The following ZNF578 variants were observed in gnomAD, a reference collection of about 807,000 sequenced individuals.
The protein encoded by ZNF578 is Putative chemokine-related protein B42.
A neutral mutation model predicts 8.3 loss-of-function variants in ZNF578; 8 were observed. That is an observed-to-expected ratio of 0.96 (90% CI 0.56 to 1.74). The LOEUF is 1.74. ZNF578 is among the 40% of genes most tolerant of loss of function. The pLI, the probability that ZNF578 is intolerant of heterozygous loss-of-function variation, is 0.00. For synonymous variants in ZNF578, 206 were observed against 232.2 expected, an observed-to-expected ratio of 0.89 and a Z score of 1.03; for missense variants, 726 against 707.5, an observed-to-expected ratio of 1.03 and a Z score of -0.30.
intron 2 of ZNF578, chr19:52,473,587 A>G (rs2059298831): frequency 1.1e-5 from 2 of 181,302 alleles, no homozygotes; most frequent in Admixed American, 6.1e-5. Context: ...CTCCAGTATG[A>G]ACTATCTGAT....
chr19:52,486,051 T>G (rs2059344395), intron 2 of ZNF578, among the ~76,000 whole-genome samples: 1 of 152,184 alleles, frequency 6.6e-6, no homozygotes, highest in Non-Finnish European at 1.5e-5. Context: ...CCCTGGGCAA[T>G]GGAATGTCTC....
At chr19:52,468,420 G>C (rs1419721204) in intron 2 of ZNF578, among the ~76,000 whole-genome samples, 1 of 152,188 alleles carries the variant, frequency 6.6e-6, no homozygotes, top group Non-Finnish European at 1.5e-5. Context: ...TATGTGTCCA[G>C]CCACAAGAGG....
chr19:52,492,062 G>A (rs1365070120), intron 3 of ZNF578, among the ~76,000 whole-genome samples: 1 of 149,042 alleles, frequency 6.7e-6, no homozygotes, highest in Non-Finnish European at 1.5e-5. Context: ...AAAGGCTGAG[G>A]CAGGAGAATG....
chr19:52,494,816 T>A (rs1055518023), intron 3 of ZNF578, among the ~76,000 whole-genome samples: 2 of 152,096 alleles, frequency 1.3e-5, no homozygotes, highest in Non-Finnish European at 2.9e-5. Context: ...TTTCTGTTAT[T>A]ATGTAATACT....
intron 2 of ZNF578, among the ~76,000 whole-genome samples, chr19:52,467,636 A>G (rs539614659): frequency 6.6e-6 from 1 of 151,876 alleles, no homozygotes; most frequent in South Asian, 2.1e-4. Flanking sequence ...AAAAAAAAAG[A>G]AAGAAAGAAA....
chr19:52,511,834 T>C lies in ZNF578; in HGVS notation c.1453T>C (p.Cys485Arg). ...TCATACTGGAGAGAAACCTTACAAG[T>C]GTAATGAGTGTCACAAGACCTTCAG... ...IIHTGEKPYK[C>R]NECHKTFSHR... The change falls in exon 6 of 6, where the codon TGT becomes CGT. Residue 485 changes from cysteine to arginine, a missense_variant. Transcript: ENST00000421239. 6.2e-7 allele frequency: 1 copy of C among 1,613,828 alleles called. No homozygotes were observed. The highest frequency in any genetic ancestry group is 8.5e-7 in the Non-Finnish European group (1 of 1,179,896).
chr19:52,458,002 C>A, intron 2 of ZNF578: 1 of 154,492 alleles, frequency 6.5e-6, no homozygotes, highest in South Asian at 1.8e-4. Flanking sequence ...GTGTGGGCCC[C>A]ATGGTGTCAC....
intron 3 of ZNF578, among the ~76,000 whole-genome samples, chr19:52,501,246 A>C (rs1310724795): frequency 1.3e-5 from 2 of 152,166 alleles, no homozygotes; most frequent in African/African-American, 4.8e-5. Context: ...CCCCAAGCGG[A>C]GGGCAGAGCC....
intron 2 of ZNF578, among the ~76,000 whole-genome samples, chr19:52,486,055 A>G (rs540289371): frequency 2.6e-5 from 4 of 152,324 alleles, no homozygotes; most frequent in African/African-American, 9.6e-5. Context: ...GGGCAATGGA[A>G]TGTCTCCATG....
rs1286279738 is a variant in ZNF578 at position 52,502,040 on chromosome 19, T to A, written c.63+132T>A. The A allele has an allele frequency of 4.3e-6, 6 of 1,396,970 alleles. No individual in the cohort carries two copies. In the Admixed American group the frequency reaches 8.7e-5, roughly 20 times the overall value. The allele number at this position is 1,396,970 out of a possible 1,614,324, so 86.5% of individuals were successfully genotyped here. The stretch of plus-strand genomic sequence containing the variant: ...TCTGAAGCATTTTGCCTGACACGTT[T>A]GCTTGCACTCACCCATGCCTGCCCT... On this transcript the variant is annotated intron_variant, in intron 4 of 5. Coordinates refer to ENST00000421239, the MANE Select transcript of ZNF578 (RefSeq NM_001099694.2).
chr19:52,493,644 G>T (rs1332749240), intron 3 of ZNF578, among the ~76,000 whole-genome samples: 1 of 151,920 alleles, frequency 6.6e-6, no homozygotes, highest in East Asian at 1.9e-4. Context: ...GATAAGAGGC[G>T]GTAATATATA....
chr19:52,455,585 C>G (rs1359860951), intron 1 of ZNF578: 1 of 152,184 alleles, frequency 6.6e-6, no homozygotes, highest in Non-Finnish European at 1.5e-5. Flanking sequence ...TTCTAGAATT[C>G]TGTGTCCAGT....
rs1872597610 is a variant in ZNF578, at chr19:52,515,333, C to T, written c.*3179C>T. 6.6e-6 allele frequency among the ~76,000 whole-genome samples: 1 copy of T among 152,138 alleles called. No homozygotes were observed. The highest frequency in any genetic ancestry group is 2.1e-4 in the South Asian group (1 of 4,832). ...TACAGCTGACCCTCTTTCACTGTTT[C>T]CAAGGTCAATAGCTGTGTGTTCACA... On this transcript the variant is annotated 3_prime_UTR_variant, in exon 6 of 6. Transcript: ENST00000421239.
intron 2 of ZNF578, among the ~76,000 whole-genome samples, chr19:52,476,598 A>G (rs1029290124): frequency 2.0e-5 from 3 of 152,212 alleles, no homozygotes; most frequent in Admixed American, 6.5e-5. Context: ...TGGGTTATCA[A>G]ATTTTCACTT....
At chr19:52,505,777 C>G (rs529143263) in intron 5 of ZNF578, among the ~76,000 whole-genome samples, 1 of 152,264 alleles carries the variant, frequency 6.6e-6, no homozygotes, top group East Asian at 1.9e-4. Context: ...AGGGTCAACC[C>G]TGTAAGAGAT....
rs1470281003 is a variant in ZNF578, at chr19:52,513,980, G to A, written c.*1826G>A. On this transcript the variant is annotated 3_prime_UTR_variant, in exon 6 of 6. Transcript: ENST00000421239. ...GTAGAGGTTACAGCGAATCAAAACC[G>A]TGCCACTGTACTGCAGCGAGGTTGG... is the stretch of plus-strand genomic sequence containing the variant. 1.3e-5 allele frequency among the ~76,000 whole-genome samples: 2 copies of A among 152,002 alleles called. No homozygotes were observed. Among genetic ancestry groups the A allele is most frequent in the African/African-American group, 4.8e-5 (2 of 41,360 alleles).
In ZNF578 at chr19:52,510,327, C is replaced by T. The variant is rs112324928; in HGVS notation, c.191-245C>T. On this transcript the variant is annotated intron_variant, in intron 5 of 5. Transcript: ENST00000421239. ...AAAAATACTCCTTACTTTAGGCTTA[C>T]ACATGTTTGTGCCCTGTCAGTGTTT... 3.1e-3 allele frequency among the ~76,000 whole-genome samples: 476 copies of T among 152,174 alleles called. 2 individuals are homozygous for T. Among genetic ancestry groups the T allele is most frequent in the African/African-American group, 0.01 (421 of 41,510 alleles).
intron 1 of ZNF578, 66 bp from the exon 2 acceptor site, chr19:52,456,802 C>T (rs1208485428): frequency 6.5e-6 from 1 of 154,660 alleles, no homozygotes; most frequent in African/African-American, 2.4e-5. Flanking sequence ...GAGCAGTAAA[C>T]AGCATATTTT....
chr19:52,475,636 C>T (rs1301984571), intron 2 of ZNF578, among the ~76,000 whole-genome samples: 2 of 152,150 alleles, frequency 1.3e-5, no homozygotes, highest in Admixed American at 6.5e-5. Context: ...GGATTATAGG[C>T]GTGAGCCACC....
Sources: allele counts gnomAD v4.1 joint callset (sites outside exome capture counted in the v4.1 genomes callset), GRCh38; gene constraint gnomAD v4.1.1; transcripts MANE v1.5; gene names NCBI Gene and HGNC (gene_info 2026-07-23, HGNC 2026-07-21).